The following SERPINI1 variants were observed in gnomAD, a reference collection of about 807,000 sequenced individuals.
SERPINI1 encodes neuroserpin.
SERPINI1 carries 19 observed loss-of-function variants against 41.1 expected under a neutral mutation model. The ratio of observed to expected loss-of-function variants is 0.46; its 90% CI spans 0.32 to 0.68. SERPINI1 has a LOEUF of 0.68. SERPINI1 is among the 30% of genes least tolerant of loss of function. The pLI, the probability that SERPINI1 is intolerant of heterozygous loss-of-function variation, is 0.03. For synonymous variants in SERPINI1, 138 were observed against 156.6 expected (o/e 0.88, Z 0.89); for missense variants, 460 against 479.2 (o/e 0.96, Z 0.37).
At chr3:167,825,002 G>C (rs147983864) in intron 8 of SERPINI1, among the ~76,000 whole-genome samples, 2 of 151,914 alleles carry the variant, frequency 1.3e-5, no homozygotes, top group East Asian at 3.9e-4. Context: ...AGCTCTGATA[G>C]AGCCACTGCA....
chr3:167,803,217 G>A (rs1445376357), intron 5 of SERPINI1, among the ~76,000 whole-genome samples: 2 of 151,508 alleles, frequency 1.3e-5, no homozygotes, highest in African/African-American at 4.9e-5. Flanking sequence ...CATGGCACAT[G>A]TATACATATG....
chr3:167,764,459 C>T (rs887332894), intron 1 of SERPINI1, among the ~76,000 whole-genome samples: 1 of 152,154 alleles, frequency 6.6e-6, no homozygotes, highest in Non-Finnish European at 1.5e-5. Flanking sequence ...TCTCATGACA[C>T]ATGTTCACTA....
intron 6 of SERPINI1, among the ~76,000 whole-genome samples, chr3:167,808,919 G>GT (rs1711759824): frequency 6.6e-6 from 1 of 152,178 alleles, no homozygotes; most frequent in Admixed American, 6.6e-5. Context: ...GATTGAACGT[G>GT]TTGTTTTCTA....
At chr3:167,780,913 A>G (rs1727101746) in intron 1 of SERPINI1, among the ~76,000 whole-genome samples, 1 of 152,182 alleles carries the variant, frequency 6.6e-6, no homozygotes, top group Non-Finnish European at 1.5e-5. Context: ...TGTCTAGGCA[A>G]TGGCTCATGC....
In SERPINI1 at chr3:167,772,421, G is replaced by A. The variant is rs918542435; in HGVS notation, c.-18-16690G>A. 4.6e-5 allele frequency among the ~76,000 whole-genome samples: 7 copies of A among 152,130 alleles called. No homozygotes were observed. In the South Asian group the frequency reaches 1.5e-3, roughly 32 times the overall value. ...GTGACCGTACATCCCAACCTATTTG[G>A]GTAGCCCGCCTTGCACTTACCTCAA... On this transcript the variant is annotated intron_variant, in intron 1 of 8. Coordinates refer to ENST00000446050, the MANE Select transcript of SERPINI1 (RefSeq NM_001122752.2).
intron 1 of SERPINI1, among the ~76,000 whole-genome samples, chr3:167,750,974 T>C (rs1273907598): frequency 6.6e-6 from 1 of 151,974 alleles, no homozygotes; most frequent in Non-Finnish European, 1.5e-5. Context: ...ATAAAAATAA[T>C]AAAATCAATA....
At chr3:167,788,987 C>G in intron 1 of SERPINI1, 124 bp from the exon 2 acceptor site, 1 of 871,436 alleles carries the variant, frequency 1.1e-6, no homozygotes, top group Non-Finnish European at 1.8e-6. Context: ...CAGAACTTAG[C>G]AGTGTTATTT....
rs1455927827 is a variant in SERPINI1 at position 167,825,505 on chromosome 3, G to A, written c.*182G>A. On this transcript the variant is annotated 3_prime_UTR_variant, in exon 9 of 9. Transcript: ENST00000446050. ...GGAATGTTATCAGTATTAAGCTAATGGTCCTGTTATGTCATTGTGTTTGTG... is the reference window on the plus strand; with the variant it reads ...GGAATGTTATCAGTATTAAGCTAATAGTCCTGTTATGTCATTGTGTTTGTG... 1.7e-6 allele frequency: 1 copy of A among 577,988 alleles called. No homozygotes were observed. Among genetic ancestry groups the A allele is most frequent in the African/African-American group, 1.9e-5 (1 of 53,332 alleles). The allele number at this position is 577,988 out of a possible 1,614,324, so 35.8% of individuals were successfully genotyped here.
intron 1 of SERPINI1, among the ~76,000 whole-genome samples, chr3:167,771,177 A>G (rs1307332539): frequency 6.6e-6 from 1 of 152,202 alleles, no homozygotes; most frequent in African/African-American, 2.4e-5. Context: ...CTCAGAATTT[A>G]TCCTGTGGAG....
chr3:167,759,542 A>C (rs1009119160), intron 1 of SERPINI1, among the ~76,000 whole-genome samples: 1 of 151,980 alleles, frequency 6.6e-6, no homozygotes. Flanking sequence ...CAGATACCAA[A>C]TATTCTCACT....
intron 1 of SERPINI1, among the ~76,000 whole-genome samples, chr3:167,762,474 C>G (rs1361121758): frequency 2.6e-5 from 4 of 152,290 alleles, no homozygotes; most frequent in African/African-American, 9.6e-5. Context: ...AATTTTTGTT[C>G]CCCATTCTTC....
intron 1 of SERPINI1, 93 bp downstream of exon 1, chr3:167,735,916 C>T (rs993012326): frequency 6.6e-6 from 1 of 152,138 alleles, no homozygotes; most frequent in Non-Finnish European, 1.5e-5. Context: ...AAAGAGTCCG[C>T]GTTGGGTTAG....
rs1164969483 is a variant in SERPINI1 at position 167,769,067 on chromosome 3, C to A, written c.-18-20044C>A. On this transcript the variant is annotated intron_variant, in intron 1 of 8. Coordinates refer to ENST00000446050, the MANE Select transcript of SERPINI1 (RefSeq NM_001122752.2). Reference sequence around the variant, plus strand: ...GGAGTGCAGTGGCATGATCTCAGCTCACTGCAACCTCTGCCTCCCAGGTTC... The same window carrying A: ...GGAGTGCAGTGGCATGATCTCAGCTAACTGCAACCTCTGCCTCCCAGGTTC... Among the ~76,000 whole-genome samples the A allele has an allele frequency of 3.7e-4, 57 of 152,146 alleles. 1 individual carries two copies. The highest frequency in any genetic ancestry group is 3.7e-3 in the Admixed American group (57 of 15,274).
intron 6 of SERPINI1, among the ~76,000 whole-genome samples, chr3:167,814,779 G>T (rs1017299589): frequency 2.6e-5 from 4 of 152,156 alleles, no homozygotes; most frequent in Non-Finnish European, 5.9e-5. Context: ...TTATTGCCCA[G>T]TTCTTCTCTG....
At chr3:167,755,913 C>T (rs1359620740) in intron 1 of SERPINI1, among the ~76,000 whole-genome samples, 5 of 151,568 alleles carry the variant, frequency 3.3e-5, no homozygotes, top group Non-Finnish European at 7.4e-5. Context: ...GACCAGGCCG[C>T]TGACTGAAAG....
At chr3:167,774,403 G>T (rs895938299) in intron 1 of SERPINI1, among the ~76,000 whole-genome samples, 2 of 152,136 alleles carry the variant, frequency 1.3e-5, no homozygotes, top group Non-Finnish European at 2.9e-5. Flanking sequence ...AGATAAAAGT[G>T]TATCTGCATG....
intron 6 of SERPINI1, among the ~76,000 whole-genome samples, chr3:167,809,820 T>C (rs1711801882): frequency 6.6e-6 from 1 of 152,108 alleles, no homozygotes; most frequent in African/African-American, 2.4e-5. Context: ...TGGCCCCACA[T>C]TACATACAGT....
Position 167,825,500 on chromosome 3 carries a change from C to T in SERPINI1, c.*177C>T. 1 of 593,106 alleles carries T rather than the reference C, an allele frequency of 1.7e-6. No individual in the cohort carries two copies. The highest frequency in any genetic ancestry group is 3.0e-6 in the Non-Finnish European group (1 of 330,634). 36.7% of individuals were successfully genotyped at this position (593,106 alleles called of 1,614,324 possible). A position where few individuals can be genotyped will look rare whatever the true frequency, so the allele number is the denominator to read the frequency against. On this transcript the variant is annotated 3_prime_UTR_variant, in exon 9 of 9. Transcript: ENST00000446050. ...GTCAAGGAATGTTATCAGTATTAAG[C>T]TAATGGTCCTGTTATGTCATTGTGT...
intron 5 of SERPINI1, among the ~76,000 whole-genome samples, chr3:167,798,643 A>G (rs866781924): frequency 2.0e-5 from 3 of 152,268 alleles, no homozygotes; most frequent in Middle Eastern, 6.8e-3. Context: ...TGCAACTTGC[A>G]TTTCTGTATT....
Sources: gnomAD v4.1 joint callset for allele counts (sites outside exome capture counted in the v4.1 genomes callset) on GRCh38, gnomAD v4.1.1 for gene constraint, MANE v1.5 for transcripts, NCBI Gene and HGNC (gene_info 2026-07-23, HGNC 2026-07-21) for gene names.